Variants in TMEFF2 observed in about 807,000 individuals in gnomAD.
The protein encoded by TMEFF2 is transmembrane protein with EGF like and two follistatin like domains 2.
In TMEFF2, 28 loss-of-function variants were observed where a neutral mutation model predicts 53.8. The observed-to-expected ratio is 0.52, with a 90% CI of 0.39 to 0.71. The LOEUF is 0.71. Ranked by LOEUF, TMEFF2 falls within the 30% of genes least tolerant of loss-of-function variation. TMEFF2 has a pLI of 0.00. For synonymous variants in TMEFF2, 162 were observed against 166.3 expected (o/e 0.97, Z 0.20); for missense variants, 353 against 455.2 (o/e 0.78, Z 2.04).
intron 9 of TMEFF2, among the ~76,000 whole-genome samples, chr2:191,951,581 G>GAAAT (rs1691884109): frequency 6.6e-6 from 1 of 152,072 alleles, no homozygotes; most frequent in Non-Finnish European, 1.5e-5. Flanking sequence ...GACCTATTTT[G>GAAAT]AAATAGGTCT....
Position 191,950,212 on chromosome 2 carries a change from G to C in TMEFF2, c.*99C>G. ...TTGGTGTAGATTACCACAAATGCAA[G>C]GCAACATGTGTAGATCTCTTGTCTT... On this transcript the variant is annotated 3_prime_UTR_variant, in exon 10 of 10. Coordinates refer to ENST00000272771, the MANE Select transcript of TMEFF2 (RefSeq NM_016192.4). 1 of 1,554,442 alleles carries C rather than the reference G, an allele frequency of 6.4e-7. No individual in the cohort carries two copies. The highest frequency in any genetic ancestry group is 1.7e-4 in the Middle Eastern group (1 of 5,752).
At chr2:191,996,240 GTA>G (rs1222088632) in intron 7 of TMEFF2, among the ~76,000 whole-genome samples, 2 of 151,794 alleles carry the variant, frequency 1.3e-5, no homozygotes, top group African/African-American at 2.4e-5. Context: ...ATATATATTT[GTA>G]TATTGACACT....
intron 7 of TMEFF2, chr2:191,992,869 A>G (rs1297302375): frequency 2.0e-5 from 3 of 152,044 alleles, no homozygotes; most frequent in Non-Finnish European, 4.4e-5. Flanking sequence ...ATGATGAAAT[A>G]TTTTTGGGTC....
rs759200406 is a variant in TMEFF2 at position 192,194,316 on chromosome 2, G to T, written c.172+37C>A. 1 of 1,609,130 alleles carries T rather than the reference G, an allele frequency of 6.2e-7. No individual in the cohort carries two copies. The highest frequency in any genetic ancestry group is 1.1e-5 in the South Asian group (1 of 90,646). Reference sequence around the variant, plus strand: ...GTGCTGGATACGCGTGTTCTTCTGCGGAGTTAAAGGGTCGGGGACGGGGGT... The same window carrying T: ...GTGCTGGATACGCGTGTTCTTCTGCTGAGTTAAAGGGTCGGGGACGGGGGT... On this transcript the variant is annotated intron_variant, in intron 1 of 9. Transcript: ENST00000272771. The surrounding 1 kb of genome is among the most constrained non-coding windows in gnomAD (Gnocchi z 4.2).
chr2:192,064,176 G>A (rs1182982000), intron 4 of TMEFF2, among the ~76,000 whole-genome samples: 3 of 151,544 alleles, frequency 2.0e-5, no homozygotes, highest in African/African-American at 7.3e-5. Flanking sequence ...ATAAATTTTT[G>A]GTGGGGAAGT....
intron 9 of TMEFF2, 129 bp downstream of exon 9, chr2:191,953,550 G>T: frequency 3.2e-6 from 3 of 942,974 alleles, no homozygotes; most frequent in East Asian, 2.6e-5. Context: ...CTTATGCTAA[G>T]GACATAGGAC....
At chr2:192,127,760 A>G (rs1471591247) in intron 4 of TMEFF2, among the ~76,000 whole-genome samples, 1 of 152,218 alleles carries the variant, frequency 6.6e-6, no homozygotes, top group Non-Finnish European at 1.5e-5. Flanking sequence ...AGTCGTGACA[A>G]TTTTAAGTAA....
At chr2:192,062,085 T>TGAA (rs1553517960) in intron 4 of TMEFF2, among the ~76,000 whole-genome samples, 6 of 151,912 alleles carry the variant, frequency 3.9e-5, no homozygotes, top group Non-Finnish European at 2.9e-5. Flanking sequence ...TAATTAGTGT[T>TGAA]GAGTGCATAT....
intron 5 of TMEFF2, among the ~76,000 whole-genome samples, chr2:192,016,017 A>G (rs1031276917): frequency 1.3e-5 from 2 of 152,214 alleles, no homozygotes; most frequent in Non-Finnish European, 2.9e-5. Flanking sequence ...AGATGTATCA[A>G]TATATCTATT....
rs542096385 is a variant in TMEFF2 at position 191,958,522 on chromosome 2, A to G, written c.746-2144T>C. Among the ~76,000 whole-genome samples, 4 of 152,330 alleles carry G rather than the reference A, an allele frequency of 2.6e-5. No individual in the cohort carries two copies. The East Asian group carries it at 7.7e-4, about 29-fold the overall frequency. On this transcript the variant is annotated intron_variant, in intron 7 of 9. Coordinates refer to ENST00000272771, the MANE Select transcript of TMEFF2 (RefSeq NM_016192.4). The stretch of plus-strand genomic sequence containing the variant: ...TATTTTTAACACTGTACCTCACCCC[A>G]TACTGACAGTTTGTTTCTGGATTCG...
chr2:192,095,473 C>A (rs909246591), intron 4 of TMEFF2, among the ~76,000 whole-genome samples: 2 of 151,958 alleles, frequency 1.3e-5, no homozygotes, highest in Non-Finnish European at 2.9e-5. Context: ...TGCACAGACA[C>A]ACAAGTAAAT....
intron 4 of TMEFF2, among the ~76,000 whole-genome samples, chr2:192,097,859 C>T (rs184548264): frequency 6.6e-6 from 1 of 152,106 alleles, no homozygotes; most frequent in East Asian, 1.9e-4. Context: ...GGATCCTAGG[C>T]ACAATACGTA....
chr2:192,050,601 C>T (rs1431926826), intron 5 of TMEFF2, among the ~76,000 whole-genome samples: 1 of 151,352 alleles, frequency 6.6e-6, no homozygotes, highest in African/African-American at 2.5e-5. Context: ...CTTTTAACTT[C>T]AGTTTGCAGG....
At chr2:192,002,023 T>C (rs1292680171) in intron 5 of TMEFF2, among the ~76,000 whole-genome samples, 1 of 129,648 alleles carries the variant, frequency 7.7e-6, no homozygotes, top group Non-Finnish European at 1.5e-5. Context: ...TATTTATTTA[T>C]TTATTTATTT....
chr2:192,061,563 G>A (rs911747599), intron 4 of TMEFF2, among the ~76,000 whole-genome samples: 2 of 152,102 alleles, frequency 1.3e-5, no homozygotes, highest in African/African-American at 2.4e-5. Flanking sequence ...ACTGTGGGGA[G>A]GGCGGGTCCT....
intron 5 of TMEFF2, chr2:192,034,550 T>C (rs888835995): frequency 1.3e-5 from 2 of 152,240 alleles, no homozygotes; most frequent in Non-Finnish European, 2.9e-5. Flanking sequence ...TGCTTTATTC[T>C]TGTAAGCTTG....
At chr2:192,063,726 G>C (rs1489699176) in intron 4 of TMEFF2, among the ~76,000 whole-genome samples, 2 of 151,680 alleles carry the variant, frequency 1.3e-5, no homozygotes, top group African/African-American at 4.8e-5. Context: ...TCATACTTGG[G>C]AGCTTTGTAT....
intron 5 of TMEFF2, among the ~76,000 whole-genome samples, chr2:192,010,530 T>C (rs530328978): frequency 2.0e-4 from 30 of 151,634 alleles, no homozygotes; most frequent in East Asian, 3.9e-4. Context: ...CACTTTTTTT[T>C]CCCCCCACTG....
chr2:192,022,323 T>G (rs150508259), intron 5 of TMEFF2, among the ~76,000 whole-genome samples: 509 of 152,316 alleles, frequency 3.3e-3, no homozygotes, highest in African/African-American at 0.011. Flanking sequence ...GAGAGAGAGA[T>G]ATGTGGTCCA....
Sources: allele counts gnomAD v4.1 joint callset (sites outside exome capture counted in the v4.1 genomes callset), GRCh38; gene constraint gnomAD v4.1.1; non-coding constraint Gnocchi (gnomAD v3.1); transcripts MANE v1.5; gene names NCBI Gene and HGNC (gene_info 2026-07-23, HGNC 2026-07-21).